FREM3: variants seen among roughly 807,000 people sequenced by gnomAD.
The protein encoded by FREM3 is FRAS1 related extracellular matrix 3.
FREM3 carries 105 observed loss-of-function variants against 129.1 expected under a neutral mutation model. The observed-to-expected ratio is 0.81, with a 90% CI of 0.69 to 0.96. FREM3 has a LOEUF of 0.96. Ranked by LOEUF, FREM3 falls within the 40% of genes least tolerant of loss-of-function variation. The pLI, the probability that FREM3 is intolerant of heterozygous loss-of-function variation, is 0.00. For synonymous variants in FREM3, 1,014 were observed against 1,044.9 expected (o/e 0.97, Z 0.57); for missense variants, 2,593 against 2,666.3 (o/e 0.97, Z 0.61).
At chr4:143,631,201 C>T (rs1739134575) in intron 2 of FREM3, among the ~76,000 whole-genome samples, 1 of 152,014 alleles carries the variant, frequency 6.6e-6, no homozygotes, top group African/African-American at 2.4e-5. Flanking sequence ...GAATTTGTGC[C>T]AAAGACAATA....
intron 4 of FREM3, among the ~76,000 whole-genome samples, chr4:143,622,630 C>G (rs1375040506): frequency 6.6e-6 from 1 of 152,058 alleles, no homozygotes; most frequent in East Asian, 1.9e-4. Context: ...GTATGGTAGT[C>G]TACTATCTTG....
Position 143,627,613 on chromosome 4 carries a change from C to G in FREM3, c.5422+1G>C. 6.5e-7 allele frequency: 1 copy of G among 1,535,504 alleles called. No individual in the cohort carries two copies. Among genetic ancestry groups the G allele is most frequent in the Non-Finnish European group, 8.7e-7 (1 of 1,145,556 alleles). ...CCAACAACCAATCCAAAGTTACTTA[C>G]TGATAAATGATGTTTCTCCAAGGTA... On this transcript the variant is annotated splice_donor_variant, in intron 3 of 7. Transcript: ENST00000329798. LOFTEE classifies it high-confidence loss of function.
chr4:143,660,014 T>G (rs1276837885), intron 2 of FREM3, among the ~76,000 whole-genome samples: 1 of 149,714 alleles, frequency 6.7e-6, no homozygotes, highest in African/African-American at 2.5e-5. Flanking sequence ...TGTGAAAATT[T>G]TCTCCCATTT....
intron 2 of FREM3, among the ~76,000 whole-genome samples, chr4:143,670,161 G>A (rs1739941032): frequency 6.6e-6 from 1 of 152,126 alleles, no homozygotes; most frequent in African/African-American, 2.4e-5. Context: ...TCTATCTCCT[G>A]AGGAGATTCA....
At chr4:143,602,999 C>T (rs1738599262) in intron 6 of FREM3, among the ~76,000 whole-genome samples, 1 of 152,182 alleles carries the variant, frequency 6.6e-6, no homozygotes, top group Non-Finnish European at 1.5e-5. Context: ...CCATTATCAT[C>T]AGTTTCCTGC....
chr4:143,669,739 C>T (rs1484700404), intron 2 of FREM3, among the ~76,000 whole-genome samples: 3 of 150,562 alleles, frequency 2.0e-5, no homozygotes, highest in Non-Finnish European at 4.4e-5. Flanking sequence ...CAGATGTTTG[C>T]CTATAGTTTT....
Position 143,699,613 on chromosome 4 carries a change from C to G in FREM3, c.1063G>C (p.Gly355Arg). The change falls in exon 1 of 8, where the codon GGG (glycine) becomes CGG (arginine). Residue 355 changes from glycine to arginine, a missense_variant. Physicochemically the swap from Gly to Arg is moderately radical, Grantham distance 125. Coordinates refer to ENST00000329798, the MANE Select transcript of FREM3 (RefSeq NM_001168235.2). The surrounding 1 kb of genome is among the most constrained non-coding windows in gnomAD (Gnocchi z 4.2). ...ACGTAGCCCTGTTGCCCCGGGTGCC[C>G]TGGTGGGTGAGTGGGGGCGTTCAGA... is the stretch of plus-strand genomic sequence containing the variant. ...NILNAPTHPP[G>R]HPGQQGYVVS... is the part of the protein sequence containing the mutation. 1 of 1,529,484 alleles carries G rather than the reference C, an allele frequency of 6.5e-7. No individual in the cohort carries two copies. The highest frequency in any genetic ancestry group is 1.2e-5 in the South Asian group (1 of 83,316). The allele number at this position is 1,529,484 out of a possible 1,614,324, so 94.7% of individuals were successfully genotyped here.
intron 6 of FREM3, among the ~76,000 whole-genome samples, chr4:143,604,692 A>T (rs1361832559): frequency 6.6e-6 from 1 of 152,186 alleles, no homozygotes; most frequent in African/African-American, 2.4e-5. Context: ...TTGCCTCCTT[A>T]TTAAATTAAA....
In FREM3 at chr4:143,611,345, C is replaced by CT; in HGVS notation, c.5961dup (p.Val1988SerfsTer13). The CT allele has an allele frequency of 1.3e-6, 2 of 1,537,138 alleles. No individual in the cohort carries two copies. Among genetic ancestry groups the CT allele is most frequent in the Non-Finnish European group, 1.7e-6 (2 of 1,146,834 alleles). The stretch of plus-strand genomic sequence containing the variant: ...AATCTGGCTCCCAGCTGTCCTCCCA[C>CT]TGGCAGCCTAAGTGAAACGCTGAAG... On this transcript the variant is annotated frameshift_variant, in exon 6 of 8. Coordinates refer to ENST00000329798, the MANE Select transcript of FREM3 (RefSeq NM_001168235.2). LOFTEE classifies it high-confidence loss of function.
intron 2 of FREM3, among the ~76,000 whole-genome samples, chr4:143,671,038 A>G (rs1287740088): frequency 2.0e-5 from 3 of 152,112 alleles, no homozygotes; most frequent in Admixed American, 1.3e-4. Context: ...TTCATTTTCT[A>G]TTTTCAAAAA....
intron 2 of FREM3, among the ~76,000 whole-genome samples, chr4:143,650,364 C>T (rs1181306003): frequency 6.6e-6 from 1 of 152,220 alleles, no homozygotes; most frequent in Non-Finnish European, 1.5e-5. Flanking sequence ...ACAGTTGGTT[C>T]TAACCAGCCA....
intron 2 of FREM3, among the ~76,000 whole-genome samples, chr4:143,633,841 G>A (rs1739184588): frequency 6.6e-6 from 1 of 152,134 alleles, no homozygotes; most frequent in Non-Finnish European, 1.5e-5. Context: ...AAAAAGACAT[G>A]TCAGGTATGG....
intron 6 of FREM3, among the ~76,000 whole-genome samples, chr4:143,593,266 C>T (rs866660256): frequency 9.9e-5 from 15 of 152,270 alleles, no homozygotes; most frequent in African/African-American, 3.6e-4. Context: ...AGCTTTGTTC[C>T]GTTGCTGGTG....
intron 2 of FREM3, among the ~76,000 whole-genome samples, chr4:143,678,091 G>A (rs1240073954): frequency 3.9e-5 from 6 of 152,164 alleles, no homozygotes; most frequent in South Asian, 2.1e-4. Context: ...ACATGCACAC[G>A]TATGTTTACT....
chr4:143,609,094 A>C (rs1359811416), intron 6 of FREM3, among the ~76,000 whole-genome samples: 1 of 152,066 alleles, frequency 6.6e-6, no homozygotes, highest in African/African-American at 2.4e-5. Context: ...CCTTATTTCA[A>C]GATTGGGAAA....
Position 143,700,592 on chromosome 4 carries a change from C to A in FREM3, c.84G>T (p.Ala28=). 6.8e-7 allele frequency: 1 copy of A among 1,475,750 alleles called. No individual in the cohort carries two copies. Among genetic ancestry groups the A allele is most frequent in the Non-Finnish European group, 9.0e-7 (1 of 1,114,410 alleles). The allele number at this position is 1,475,750 out of a possible 1,614,324, so 91.4% of individuals were successfully genotyped here. A position where few individuals can be genotyped will look rare whatever the true frequency, so the allele number is the denominator to read the frequency against. The stretch of plus-strand genomic sequence containing the variant: ...CAAGTGAGGATGCCCGTCCCTGCAG[C>A]GCGGGGCGACTCAAGAGCAGGCAGG... The part of the protein sequence containing the change: ...ALACLLLSRP[A]LQGRASSLGT... Residue 28 remains alanine (A), a synonymous_variant, in exon 1 of 8, where the codon GCG becomes GCT. Transcript: ENST00000329798.
chr4:143,631,327 C>CTGTA (rs1739136440), intron 2 of FREM3, among the ~76,000 whole-genome samples: 2 of 149,280 alleles, frequency 1.3e-5, no homozygotes, highest in Admixed American at 1.3e-4. Flanking sequence ...TATTATAATG[C>CTGTA]TGTATTTATT....
chr4:143,675,042 A>C lies in FREM3; in HGVS notation c.5275+18071T>G, dbSNP rs186905238. ...ACTCAGCTCTGCACCAAGTGGACCT[A>C]ATAGACATCTACAGAACTCTCCACC... On this transcript the variant is annotated intron_variant, in intron 2 of 7. Transcript: ENST00000329798. Among the ~76,000 whole-genome samples, 392 of 152,356 alleles carry C rather than the reference A, an allele frequency of 2.6e-3. 3 individuals carry two copies. The highest frequency in any genetic ancestry group is 8.3e-3 in the African/African-American group (343 of 41,574).
Position 143,696,452 on chromosome 4 carries a change from G to A in FREM3, c.4224C>T (p.Asn1408=). The A allele has an allele frequency of 6.5e-7, 1 of 1,537,686 alleles. No individual in the cohort carries two copies. Residue 1408 remains asparagine, a synonymous_variant, in exon 1 of 8, where the codon AAC becomes AAT. Transcript: ENST00000329798. ...CATAGAAGTAGTGGTCTGTCAAAGT[G>A]TTAACCCCATCAGTAACATCAAACT... is the stretch of plus-strand genomic sequence containing the variant. The part of the protein sequence containing the change: ...IIKFDVTDGV[N]TLTDHYFYVT...
Sources: gnomAD v4.1 joint callset for allele counts (sites outside exome capture counted in the v4.1 genomes callset) on GRCh38, gnomAD v4.1.1 for gene constraint, Gnocchi (gnomAD v3.1) non-coding constraint, MANE v1.5 for transcripts, NCBI Gene and HGNC (gene_info 2026-07-23, HGNC 2026-07-21) for gene names.